Variants in ZMAT4 observed in about 807,000 individuals in gnomAD.
ZMAT4 encodes zinc finger matrin-type protein 4.
Under a neutral mutation model 28.7 loss-of-function variants are expected in ZMAT4, and 17 were observed. The ratio of observed to expected loss-of-function variants is 0.59; its 90% CI spans 0.41 to 0.89. The LOEUF (loss-of-function observed/expected upper bound fraction) is 0.89, where lower values mean the gene tolerates loss of function less well. ZMAT4 is among the 40% of genes least tolerant of loss of function. The pLI, the probability that ZMAT4 is intolerant of heterozygous loss-of-function variation, is 0.00. For missense variants in ZMAT4, 240 were observed against 283.8 expected (o/e 0.85, Z 1.11); for synonymous variants, 117 against 109.2 (o/e 1.07, Z -0.44).
intron 4 of ZMAT4, among the ~76,000 whole-genome samples, chr8:40,696,037 C>A (rs1809872582): frequency 6.6e-6 from 1 of 151,918 alleles, no homozygotes; most frequent in South Asian, 2.1e-4. Context: ...GGTGAATATG[C>A]AACATTTAAG....
chr8:40,601,449 G>GGAGGAAGA (rs1805310318), intron 5 of ZMAT4, among the ~76,000 whole-genome samples: 3 of 93,662 alleles, frequency 3.2e-5, no homozygotes, highest in Non-Finnish European at 4.1e-5. Context: ...AGGAAGGAAG[G>GGAGGAAGA]AAGGAAGGGA....
At chr8:40,865,426 G>C (rs1231096221) in intron 1 of ZMAT4, among the ~76,000 whole-genome samples, 2 of 152,194 alleles carry the variant, frequency 1.3e-5, no homozygotes, top group African/African-American at 4.8e-5. Context: ...ATGGAGAGGA[G>C]TTGGAAATGA....
chr8:40,694,565 G>A (rs114475702), intron 4 of ZMAT4, among the ~76,000 whole-genome samples: 11 of 152,204 alleles, frequency 7.2e-5, no homozygotes, highest in African/African-American at 1.2e-4. Context: ...CAGAGCCTCC[G>A]ATGCTGGTGC....
chr8:40,579,285 CA>C (rs1157965770), intron 6 of ZMAT4, among the ~76,000 whole-genome samples: 1 of 152,038 alleles, frequency 6.6e-6, no homozygotes, highest in Non-Finnish European at 1.5e-5. Context: ...TACATGCTCC[CA>C]AAAAGTTATC....
At chr8:40,645,854 C>T (rs1055099801) in intron 5 of ZMAT4, among the ~76,000 whole-genome samples, 2 of 151,904 alleles carry the variant, frequency 1.3e-5, no homozygotes, top group African/African-American at 2.4e-5. Context: ...TGTATATAAC[C>T]ATATACAGTA....
intron 2 of ZMAT4, among the ~76,000 whole-genome samples, chr8:40,811,156 G>T (rs2150596313): frequency 6.6e-6 from 1 of 152,256 alleles, no homozygotes; most frequent in African/African-American, 2.4e-5. Flanking sequence ...TGAAAGGGTT[G>T]AATGTACTAA....
intron 2 of ZMAT4, among the ~76,000 whole-genome samples, chr8:40,777,977 T>C (rs1224626734): frequency 6.6e-6 from 1 of 152,250 alleles, no homozygotes. Context: ...TTTCTCTTGA[T>C]CCAACCCCAC....
chr8:40,589,145 C>T (rs540935816), intron 5 of ZMAT4, among the ~76,000 whole-genome samples: 4 of 152,292 alleles, frequency 2.6e-5, no homozygotes, highest in Admixed American at 2.6e-4. Context: ...CATATATAAG[C>T]ACTGATGTGC....
intron 4 of ZMAT4, among the ~76,000 whole-genome samples, chr8:40,677,487 G>A (rs1808961359): frequency 6.6e-6 from 1 of 151,968 alleles, no homozygotes; most frequent in Admixed American, 6.6e-5. Context: ...TAACGTCCCT[G>A]GTTTCCTCAA....
chr8:40,889,776 A>C (rs183103454), intron 1 of ZMAT4, among the ~76,000 whole-genome samples: 2 of 152,220 alleles, frequency 1.3e-5, no homozygotes, highest in Non-Finnish European at 2.9e-5. Flanking sequence ...GCCTCCATGC[A>C]ATGTTTGCTG....
intron 2 of ZMAT4, among the ~76,000 whole-genome samples, chr8:40,821,776 C>G (rs897422566): frequency 2.6e-5 from 4 of 152,182 alleles, no homozygotes; most frequent in African/African-American, 9.7e-5. Context: ...AGTTATGCTG[C>G]CAAATGCTTA....
rs557221722 is a variant in ZMAT4, at chr8:40,888,164, A to G, written c.-5+9519T>C. Among the ~76,000 whole-genome samples the G allele has an allele frequency of 2.4e-4, 36 of 152,294 alleles. No individual in the cohort carries two copies. The South Asian group carries it at 7.3e-3, about 31-fold the overall frequency. Reference sequence around the variant, plus strand: ...CTCCTTCAGCATAGGCCAGGGCCGAACAGAGTGCTACTCCACACCCCTCCT... The same window carrying G: ...CTCCTTCAGCATAGGCCAGGGCCGAGCAGAGTGCTACTCCACACCCCTCCT... On this transcript the variant is annotated intron_variant, in intron 1 of 6. Coordinates refer to ENST00000297737, the MANE Select transcript of ZMAT4 (RefSeq NM_024645.3).
intron 3 of ZMAT4, among the ~76,000 whole-genome samples, chr8:40,706,665 A>T (rs1810366386): frequency 6.6e-6 from 1 of 152,066 alleles, no homozygotes; most frequent in African/African-American, 2.4e-5. Context: ...CACTCAATAC[A>T]CTTTTCTAGT....
chr8:40,896,790 C>T (rs1818893070), intron 1 of ZMAT4, among the ~76,000 whole-genome samples: 2 of 152,128 alleles, frequency 1.3e-5, no homozygotes, highest in Admixed American at 1.3e-4. Flanking sequence ...TTCAGCACCA[C>T]CTCTGCCACA....
At chr8:40,570,933 C>T (rs1804078118) in intron 6 of ZMAT4, among the ~76,000 whole-genome samples, 1 of 152,016 alleles carries the variant, frequency 6.6e-6, no homozygotes, top group African/African-American at 2.4e-5. Context: ...TGACCTTGCA[C>T]CCCTGGAGAT....
intron 3 of ZMAT4, among the ~76,000 whole-genome samples, chr8:40,761,327 G>T (rs1039358406): frequency 6.6e-6 from 1 of 151,986 alleles, no homozygotes; most frequent in Non-Finnish European, 1.5e-5. Flanking sequence ...AATATTGAAT[G>T]AAAGTCAGTT....
chr8:40,671,874 T>TGA (rs1808685207), intron 5 of ZMAT4, among the ~76,000 whole-genome samples: 1 of 152,216 alleles, frequency 6.6e-6, no homozygotes, highest in Non-Finnish European at 1.5e-5. Flanking sequence ...ATCAGAATCC[T>TGA]TCTAGAAATG....
chr8:40,532,561 C>T (rs1251095660), intron 6 of ZMAT4, among the ~76,000 whole-genome samples: 1 of 152,024 alleles, frequency 6.6e-6, no homozygotes, highest in Non-Finnish European at 1.5e-5. Flanking sequence ...TGCATACACC[C>T]ATCTTTAAGT....
chr8:40,640,694 C>T (rs1257501728), intron 5 of ZMAT4, among the ~76,000 whole-genome samples: 2 of 151,766 alleles, frequency 1.3e-5, no homozygotes, highest in Non-Finnish European at 2.9e-5. Flanking sequence ...GGCATGGTGG[C>T]TCATGCCTGT....
Sources: allele counts gnomAD v4.1 joint callset (sites outside exome capture counted in the v4.1 genomes callset), GRCh38; gene constraint gnomAD v4.1.1; transcripts MANE v1.5; gene names NCBI Gene and HGNC (gene_info 2026-07-23, HGNC 2026-07-21).